XRN2: variants seen among roughly 807,000 people sequenced by gnomAD.
XRN2 encodes 5'-3' exoribonuclease 2, also known as DHM1-like protein.
Under a neutral mutation model 138.5 loss-of-function variants are expected in XRN2, and 44 were observed. The ratio of observed to expected loss-of-function variants is 0.32; its 90% CI spans 0.25 to 0.41. XRN2 has a LOEUF of 0.41. Among genes scored for constraint, XRN2 ranks in the 10% least tolerant of loss-of-function variants. The pLI is 1.00. For missense variants in XRN2, 937 were observed against 1,169.3 expected (o/e 0.80, Z 2.90); for synonymous variants, 354 against 369.4 (o/e 0.96, Z 0.48).
chr20:21,324,497 C>CTTT (rs11482123), intron 1 of XRN2, among the ~76,000 whole-genome samples: 14 of 145,386 alleles, frequency 9.6e-5, no homozygotes, highest in South Asian at 6.4e-4. Context: ...TGTATATGTT[C>CTTT]TTTTTTTTTT....
At chr20:21,334,039 T>C in intron 12 of XRN2, 39 bp from the exon 13 acceptor site, 1 of 1,613,926 alleles carries the variant, frequency 6.2e-7, no homozygotes, top group South Asian at 1.1e-5. Flanking sequence ...TATTTGCTTT[T>C]ATAAGAAGAT....
intron 1 of XRN2, among the ~76,000 whole-genome samples, chr20:21,313,897 G>A (rs1415692025): frequency 2.6e-5 from 4 of 152,152 alleles, no homozygotes; most frequent in Non-Finnish European, 5.9e-5. Flanking sequence ...TTTGGAGCTG[G>A]TTACCACATT....
At chr20:21,324,172 C>T (rs2038087944) in intron 1 of XRN2, among the ~76,000 whole-genome samples, 1 of 152,038 alleles carries the variant, frequency 6.6e-6, no homozygotes, top group African/African-American at 2.4e-5. Flanking sequence ...CTGCTTTTTT[C>T]TTTACCACTT....
chr20:21,304,655 G>A (rs1278203532), intron 1 of XRN2, among the ~76,000 whole-genome samples: 1 of 152,122 alleles, frequency 6.6e-6, no homozygotes, highest in Non-Finnish European at 1.5e-5. Flanking sequence ...GCTGGAATAG[G>A]AGAGGATTTA....
intron 24 of XRN2, among the ~76,000 whole-genome samples, chr20:21,359,761 C>T (rs1178243166): frequency 3.3e-5 from 5 of 152,092 alleles, no homozygotes; most frequent in Admixed American, 6.6e-5. Context: ...TGTTTTAGGG[C>T]TTGTTGTACA....
At chr20:21,331,900 A>G (rs1431973102) in intron 8 of XRN2, 82 bp downstream of exon 8, 2 of 1,483,288 alleles carry the variant, frequency 1.3e-6, no homozygotes, top group East Asian at 2.3e-5. Context: ...TGGATTATTC[A>G]TGGTTACCTG....
At chr20:21,378,702 G>GT (rs1422641444) in intron 27 of XRN2, among the ~76,000 whole-genome samples, 1 of 152,158 alleles carries the variant, frequency 6.6e-6, no homozygotes, top group Non-Finnish European at 1.5e-5. Flanking sequence ...GCTTGTTTTA[G>GT]TAAGATTGAG....
chr20:21,337,011 A>C, intron 13 of XRN2, among the ~76,000 whole-genome samples: 2 of 152,220 alleles, frequency 1.3e-5, no homozygotes, highest in East Asian at 3.8e-4. Context: ...GGAGCAGAGG[A>C]GGCAAAGGAA....
At chr20:21,388,293 G>A (rs556611543) in intron 29 of XRN2, among the ~76,000 whole-genome samples, 145 of 152,316 alleles carry the variant, frequency 9.5e-4, no homozygotes, top group Admixed American at 1.7e-3. Context: ...TCCTTTTAAA[G>A]GAACTCTGTG....
chr20:21,379,363 A>T, intron 27 of XRN2, among the ~76,000 whole-genome samples: 1 of 152,210 alleles, frequency 6.6e-6, no homozygotes, highest in East Asian at 1.9e-4. Context: ...CTTCTGCTTT[A>T]TGAATACTTC....
chr20:21,344,721 T>C (rs1172079008), intron 16 of XRN2, among the ~76,000 whole-genome samples: 4 of 152,222 alleles, frequency 2.6e-5, no homozygotes, highest in African/African-American at 4.8e-5. Context: ...TGCGCAATTA[T>C]ATTTCATGAC....
chr20:21,384,636 TC>T (rs779860419), intron 28 of XRN2, among the ~76,000 whole-genome samples: 2 of 152,062 alleles, frequency 1.3e-5, no homozygotes, highest in Non-Finnish European at 2.9e-5. Context: ...GACTACAGGC[TC>T]CCACACCACC....
intron 13 of XRN2, among the ~76,000 whole-genome samples, chr20:21,338,208 A>G (rs1295214856): frequency 6.6e-6 from 1 of 152,170 alleles, no homozygotes; most frequent in Non-Finnish European, 1.5e-5. Context: ...GTTTTAGGCT[A>G]CAACAGTAGC....
intron 23 of XRN2, 41 bp downstream of exon 23, chr20:21,356,706 A>G (rs751741777): frequency 8.5e-6 from 13 of 1,532,088 alleles, no homozygotes; most frequent in Middle Eastern, 1.7e-4. Context: ...ACTGGAAGGA[A>G]GTTTAGTTAG....
intron 20 of XRN2, among the ~76,000 whole-genome samples, chr20:21,350,730 T>G (rs569716176): frequency 6.6e-6 from 1 of 152,146 alleles, no homozygotes; most frequent in South Asian, 2.1e-4. Flanking sequence ...ATAAAATGAC[T>G]TACGGAGAAT....
intron 1 of XRN2, among the ~76,000 whole-genome samples, chr20:21,320,168 G>A (rs552237778): frequency 2.0e-4 from 31 of 152,040 alleles, no homozygotes; most frequent in Middle Eastern, 3.4e-3. Context: ...TAGCTTTTCT[G>A]GACTGAGAAT....
In XRN2 at chr20:21,350,298, G is replaced by A. The variant is rs191179500; in HGVS notation, c.1936+837G>A. On this transcript the variant is annotated intron_variant, in intron 20 of 29. Coordinates refer to ENST00000377191, the MANE Select transcript of XRN2 (RefSeq NM_012255.5). Reference sequence around the variant, plus strand: ...TCCCAGCAATTTGGGAGGCCAAGGCGGGCGGATCACGAGGTCAGGAGATCG... The same window carrying A: ...TCCCAGCAATTTGGGAGGCCAAGGCAGGCGGATCACGAGGTCAGGAGATCG... 7.5e-4 allele frequency among the ~76,000 whole-genome samples: 114 copies of A among 152,114 alleles called. 1 individual carries two copies. The East Asian group carries it at 0.014, about 18-fold the overall frequency.
intron 4 of XRN2, among the ~76,000 whole-genome samples, chr20:21,328,947 T>C (rs1443695400): frequency 6.6e-6 from 1 of 152,198 alleles, no homozygotes; most frequent in African/African-American, 2.4e-5. Flanking sequence ...AGTGCAGCTC[T>C]TTAACAAACT....
chr20:21,330,857 G>T (rs973862273), intron 6 of XRN2, 152 bp downstream of exon 6: 1 of 752,416 alleles, frequency 1.3e-6, no homozygotes, highest in Non-Finnish European at 2.0e-6. Flanking sequence ...TTTTGGAGAT[G>T]GGGTATCCTT....
Sources: gnomAD v4.1 joint callset for allele counts (sites outside exome capture counted in the v4.1 genomes callset) on GRCh38, gnomAD v4.1.1 for gene constraint, MANE v1.5 for transcripts, NCBI Gene and HGNC (gene_info 2026-07-23, HGNC 2026-07-21) for gene names.